The following B4GALNT3 variants were observed in gnomAD, a reference collection of about 807,000 sequenced individuals.
B4GALNT3 encodes the protein beta-1,4-N-acetyl-galactosaminyltransferase 3, also known as beta-1,4-N-acetylgalactosaminyltransferase 3.
Under a neutral mutation model 120.2 loss-of-function variants are expected in B4GALNT3, and 86 were observed. That is an observed-to-expected ratio of 0.72 (90% confidence interval 0.60 to 0.86). B4GALNT3 has a LOEUF of 0.86. Ranked by LOEUF, B4GALNT3 falls within the 40% of genes least tolerant of loss-of-function variation. B4GALNT3 has a pLI of 0.00. For synonymous variants in B4GALNT3, 518 were observed against 510.4 expected, an observed-to-expected ratio of 1.01 and a Z score of -0.20; for missense variants, 1,167 against 1,298.9, an observed-to-expected ratio of 0.90 and a Z score of 1.56.
At chr12:520,103 G>A (rs1317370108) in intron 1 of B4GALNT3, among the ~76,000 whole-genome samples, 1 of 152,168 alleles carries the variant, frequency 6.6e-6, no homozygotes, top group Non-Finnish European at 1.5e-5. Flanking sequence ...CTGGCTCAGG[G>A]AAAAGGGAGT....
Position 553,758 on chromosome 12 carries a change from A to T in B4GALNT3, c.1835A>T (p.Glu612Val). The T allele has an allele frequency of 1.9e-6, 3 of 1,614,116 alleles. No individual in the cohort carries two copies. Among genetic ancestry groups the T allele is most frequent in the Non-Finnish European group, 2.5e-6 (3 of 1,179,970 alleles). ...GAGGGAGAGGAAGAGGGGGAAGAAG[A>T]GGAGGAGGAAGAGGATATGAGTGAG... is the stretch of plus-strand genomic sequence containing the variant. ...QVEGEEEGEEEEEEEDMSEVF... is the reference protein window; with the variant it reads ...QVEGEEEGEEVEEEEDMSEVF... The change falls in exon 14 of 20, where the codon GAG (glutamate) becomes GTG (valine). Residue 612 changes from glutamate (E) to valine (V), a missense_variant. Physicochemically the swap from Glu to Val is moderately radical, Grantham distance 121 (BLOSUM62 -2). Around this residue, in one of 3 missense-constraint regions of B4GALNT3, gnomAD observed 983 missense variants for 1,102.5 expected, o/e 0.89. Transcript: ENST00000266383.
At chr12:526,347 G>A (rs1345630602) in intron 1 of B4GALNT3, among the ~76,000 whole-genome samples, 2 of 152,194 alleles carry the variant, frequency 1.3e-5, no homozygotes, top group South Asian at 2.1e-4. Context: ...ACTCCAGGGA[G>A]GAAAAGGATT....
chr12:477,512 G>A (rs1946196241), intron 1 of B4GALNT3, among the ~76,000 whole-genome samples: 1 of 152,176 alleles, frequency 6.6e-6, no homozygotes, highest in South Asian at 2.1e-4. Flanking sequence ...CACGAGAAAG[G>A]CCAAGGCTCG....
chr12:460,097 A>G lies in B4GALNT3; in HGVS notation c.-280A>G, dbSNP rs1346371154. Reference sequence around the variant, plus strand: ...AGGGCGGCAGCGAGCCTGCGACGGGAGAGGCGTGGGGAGGAGAGCCCGGCG... The same window carrying G: ...AGGGCGGCAGCGAGCCTGCGACGGGGGAGGCGTGGGGAGGAGAGCCCGGCG... On this transcript the variant is annotated 5_prime_UTR_variant, in exon 1 of 20. Coordinates refer to ENST00000266383, the MANE Select transcript of B4GALNT3 (RefSeq NM_173593.4). The surrounding 1 kb of genome is among the most constrained non-coding windows in gnomAD (Gnocchi z 8.0). 6.6e-6 allele frequency among the ~76,000 whole-genome samples: 1 copy of G among 150,774 alleles called. No homozygotes were observed. Among genetic ancestry groups the G allele is most frequent in the East Asian group, 2.0e-4 (1 of 5,118 alleles).
At chr12:470,735 CTGTTT>C (rs148909362) in intron 1 of B4GALNT3, among the ~76,000 whole-genome samples, 10,744 of 151,972 alleles carry the variant, frequency 0.071, 678 homozygotes, top group African/African-American at 0.18. Context: ...ATTTTAGTGA[CTGTTT>C]TGTTTTGTTT....
Position 562,472 on chromosome 12 carries a change from C to T in B4GALNT3, c.*1021C>T, listed in dbSNP as rs7977431. The T allele has an allele frequency of 0.12, 18,970 of 152,196 alleles. 1,219 individuals carry two copies. The highest frequency in any genetic ancestry group is 0.17 in the South Asian group (814 of 4,814). 9.4% of individuals were successfully genotyped at this position (152,196 alleles called of 1,614,324 possible). A position where few individuals can be genotyped will look rare whatever the true frequency, so the allele number is the denominator to read the frequency against. ...TTCTGCAGGGAGAGCCCTGGCCACC[C>T]GGCCTTGAGTGGAAGAAGAGGAAAG... is the stretch of plus-strand genomic sequence containing the variant. On this transcript the variant is annotated 3_prime_UTR_variant, in exon 20 of 20. Transcript: ENST00000266383. The surrounding 1 kb of genome is among the most constrained non-coding windows in gnomAD (Gnocchi z 5.2).
intron 1 of B4GALNT3, among the ~76,000 whole-genome samples, chr12:527,015 A>C (rs11063415): frequency 1.3e-5 from 2 of 151,658 alleles, no homozygotes; most frequent in East Asian, 1.9e-4. Context: ...TGCAGCCTCT[A>C]CCTCCTAGGT....
At chr12:552,747 G>C in intron 13 of B4GALNT3, 2 of 582,322 alleles carry the variant, frequency 3.4e-6, no homozygotes, top group South Asian at 2.3e-5. Context: ...CAGCATGCTG[G>C]GGTCAGCTGG....
intron 1 of B4GALNT3, among the ~76,000 whole-genome samples, chr12:494,793 A>G: frequency 6.7e-6 from 1 of 149,776 alleles, no homozygotes; most frequent in East Asian, 2.1e-4. Flanking sequence ...GTAAACTGGA[A>G]AGGCTGACTG....
intron 1 of B4GALNT3, among the ~76,000 whole-genome samples, chr12:499,714 C>T (rs773277193): frequency 6.6e-6 from 1 of 152,224 alleles, no homozygotes; most frequent in Non-Finnish European, 1.5e-5. Flanking sequence ...AGTCCTAGCC[C>T]GTGGTAGGCA....
At chr12:483,577 G>A (rs986532298) in intron 1 of B4GALNT3, among the ~76,000 whole-genome samples, 1 of 152,096 alleles carries the variant, frequency 6.6e-6, no homozygotes. Context: ...GTGTGCCTGT[G>A]GTCCCAGCTA....
At chr12:515,863 C>T (rs922538519) in intron 1 of B4GALNT3, among the ~76,000 whole-genome samples, 3 of 152,056 alleles carry the variant, frequency 2.0e-5, no homozygotes, top group African/African-American at 7.2e-5. Context: ...TTCAGCCGGG[C>T]ACAGTGGCTC....
intron 4 of B4GALNT3, 55 bp downstream of exon 4, chr12:544,489 C>A: frequency 6.9e-7 from 1 of 1,442,590 alleles, no homozygotes; most frequent in Non-Finnish European, 9.8e-7. Context: ...CTCCTCTGCC[C>A]ACTTCTGTCT....
rs1327253202 is a variant in B4GALNT3, at chr12:550,067, G to A, written c.997+155G>A. On this transcript the variant is annotated intron_variant, in intron 10 of 19. Coordinates refer to ENST00000266383, the MANE Select transcript of B4GALNT3 (RefSeq NM_173593.4). This position sits in a 1 kb window ranked among gnomAD's most constrained non-coding sequence, Gnocchi z 4.1. ...TAACATAGAACATGCATACAGAAAA[G>A]AGAGCATGTAAATAAGTATAAAATA... Among the ~76,000 whole-genome samples the A allele has an allele frequency of 1.3e-5, 2 of 152,232 alleles. No individual in the cohort carries two copies. Among genetic ancestry groups the A allele is most frequent in the East Asian group, 3.8e-4 (2 of 5,204 alleles).
Position 556,856 on chromosome 12 carries a change from C to T in B4GALNT3, c.2370C>T (p.Phe790=), listed in dbSNP as rs150365241. 5.8e-5 allele frequency: 93 copies of T among 1,603,426 alleles called. No individual in the cohort carries two copies. Among genetic ancestry groups the T allele is most frequent in the Middle Eastern group, 1.7e-4 (1 of 6,050 alleles). ...FSWSHRAVVH[F]VVPVKNQARW... is the part of the protein sequence containing the mutation. ...GGAGTCACCGAGCCGTGGTCCACTT[C>T]GTCGTGCCTGGTGAGCCTCAAGCTG... Residue 790 remains phenylalanine (F), a synonymous_variant, in exon 15 of 20, where the codon TTC becomes TTT. Transcript: ENST00000266383.
At chr12:476,133 C>T (rs1555150998) in intron 1 of B4GALNT3, among the ~76,000 whole-genome samples, 1 of 152,206 alleles carries the variant, frequency 6.6e-6, no homozygotes, top group Non-Finnish European at 1.5e-5. Flanking sequence ...AGCTGCGCCT[C>T]AGTGAGCATA....
chr12:547,936 T>G, intron 7 of B4GALNT3, 88 bp from the exon 8 acceptor site: 1 of 1,079,228 alleles, frequency 9.3e-7, no homozygotes, highest in Non-Finnish European at 1.4e-6. Context: ...GATGAGGGAG[T>G]GTAAGGTGCT....
intron 19 of B4GALNT3, 35 bp downstream of exon 19, chr12:559,456 G>A: frequency 6.2e-7 from 1 of 1,609,380 alleles, no homozygotes; most frequent in Non-Finnish European, 8.5e-7. Context: ...ACGAGGCCTG[G>A]GAATTCCATG....
At chr12:555,357 G>A (rs1421080352) in intron 14 of B4GALNT3, 7 of 456,634 alleles carry the variant, frequency 1.5e-5, no homozygotes, top group South Asian at 4.6e-5. Flanking sequence ...CCTTTATATC[G>A]GGCTTTTTGC....
Sources: gnomAD v4.1 joint callset for allele counts (sites outside exome capture counted in the v4.1 genomes callset) on GRCh38, gnomAD v4.1.1 for gene constraint, gnomAD v4.1.1 regional missense constraint, Gnocchi (gnomAD v3.1) non-coding constraint, MANE v1.5 for transcripts, NCBI Gene and HGNC (gene_info 2026-07-23, HGNC 2026-07-21) for gene names.